NEGR1: variants seen among roughly 807,000 people sequenced by gnomAD.
NEGR1 encodes neuronal growth regulator 1.
Under a neutral mutation model 40.9 loss-of-function variants are expected in NEGR1, and 10 were observed. That is an observed-to-expected ratio of 0.24 (90% CI 0.15 to 0.42). NEGR1 has a LOEUF of 0.42. Among genes scored for constraint, NEGR1 ranks in the 10% least tolerant of loss-of-function variants. The probability of loss-of-function intolerance (pLI) is 1.00; values close to 1 mark genes in which losing one functional copy is unlikely to be tolerated. For synonymous variants in NEGR1, 185 were observed against 166.8 expected, an observed-to-expected ratio of 1.11 and a Z score of -0.84; for missense variants, 352 against 438.9, an observed-to-expected ratio of 0.80 and a Z score of 1.77.
intron 2 of NEGR1, among the ~76,000 whole-genome samples, chr1:71,924,818 T>A (rs1645757195): frequency 6.6e-6 from 1 of 152,142 alleles, no homozygotes. Flanking sequence ...AATATGGAAA[T>A]TATAGAGAAT....
chr1:71,762,931 A>G (rs1655995175), intron 3 of NEGR1, among the ~76,000 whole-genome samples: 1 of 152,160 alleles, frequency 6.6e-6, no homozygotes, highest in Non-Finnish European at 1.5e-5. Context: ...GACCTGCCAT[A>G]AAAGAATTGC....
At chr1:71,553,766 T>C (rs973139930) in intron 6 of NEGR1, among the ~76,000 whole-genome samples, 3 of 151,574 alleles carry the variant, frequency 2.0e-5, no homozygotes, top group African/African-American at 4.8e-5. Flanking sequence ...GTTTGATAGG[T>C]GATGGCTTTT....
At chr1:72,137,187 G>T (rs1650499859) in intron 1 of NEGR1, among the ~76,000 whole-genome samples, 1 of 152,102 alleles carries the variant, frequency 6.6e-6, no homozygotes, top group Non-Finnish European at 1.5e-5. Context: ...AGACAGTGTG[G>T]CTACTCCCCA....
At chr1:71,961,377 A>T (rs1294506600) in intron 1 of NEGR1, among the ~76,000 whole-genome samples, 1 of 152,178 alleles carries the variant, frequency 6.6e-6, no homozygotes, top group Non-Finnish European at 1.5e-5. Context: ...TATAGATGAC[A>T]CTAATTTTGT....
intron 1 of NEGR1, among the ~76,000 whole-genome samples, chr1:71,961,287 G>C (rs1246397865): frequency 3.3e-5 from 5 of 152,112 alleles, no homozygotes; most frequent in Admixed American, 1.3e-4. Flanking sequence ...TACGATGCTG[G>C]AATCAACTCT....
At chr1:71,866,556 T>C (rs1284054867) in intron 2 of NEGR1, among the ~76,000 whole-genome samples, 2 of 152,220 alleles carry the variant, frequency 1.3e-5, no homozygotes, top group African/African-American at 2.4e-5. Context: ...TTTCACATTT[T>C]AATTAAAATG....
At chr1:71,771,839 A>T (rs1300201543) in intron 3 of NEGR1, among the ~76,000 whole-genome samples, 1 of 152,072 alleles carries the variant, frequency 6.6e-6, no homozygotes, top group Non-Finnish European at 1.5e-5. Context: ...GGACTGCTGA[A>T]TCTAGAAAAA....
chr1:71,527,445 ATC>A (rs1352106180), intron 6 of NEGR1, among the ~76,000 whole-genome samples: 12 of 139,540 alleles, frequency 8.6e-5, no homozygotes, highest in African/African-American at 3.4e-4. Context: ...CCATCCATCC[ATC>A]CATGGGTAAT....
At chr1:71,439,835 A>G (rs539848920) in intron 6 of NEGR1, 17 of 152,064 alleles carry the variant, frequency 1.1e-4, no homozygotes, top group African/African-American at 4.1e-4. Flanking sequence ...GTATATGCCT[A>G]TATCTGTAGA....
At chr1:71,591,677 A>G (rs534870378) in intron 6 of NEGR1, among the ~76,000 whole-genome samples, 35 of 152,280 alleles carry the variant, frequency 2.3e-4, no homozygotes, top group Non-Finnish European at 3.7e-4. Flanking sequence ...TAACTATTGC[A>G]TGGCAAGCAA....
intron 6 of NEGR1, among the ~76,000 whole-genome samples, chr1:71,482,992 T>G (rs187827692): frequency 2.4e-4 from 37 of 151,796 alleles, no homozygotes; most frequent in Admixed American, 4.0e-4. Context: ...GGATGGGAAA[T>G]TAAGAGTGGT....
At chr1:71,460,025 T>C (rs2101342151) in intron 6 of NEGR1, among the ~76,000 whole-genome samples, 1 of 152,328 alleles carries the variant, frequency 6.6e-6, no homozygotes. Context: ...TCCATATCTT[T>C]TAGTGCTATA....
At chr1:71,489,935 G>A (rs571646917) in intron 6 of NEGR1, 15 of 151,814 alleles carry the variant, frequency 9.9e-5, no homozygotes, top group African/African-American at 3.4e-4. Context: ...TCCTTCCCCC[G>A]CTCACCCCAA....
chr1:71,461,665 A>G (rs1423665551), intron 6 of NEGR1: 2 of 152,204 alleles, frequency 1.3e-5, no homozygotes, highest in Admixed American at 6.5e-5. Flanking sequence ...TGTGCCCAAT[A>G]TCAAATATCC....
rs533176799 is a variant in NEGR1 at position 71,665,500 on chromosome 1, A to G, written c.667+32508T>C. On this transcript the variant is annotated intron_variant, in intron 4 of 6. Coordinates refer to ENST00000357731, the MANE Select transcript of NEGR1 (RefSeq NM_173808.3). Reference sequence around the variant, plus strand: ...GGAGGATAGATGCAAGGACTACAACATGGTTTCCCCACTTGAGAAACTCAT... The same window carrying G: ...GGAGGATAGATGCAAGGACTACAACGTGGTTTCCCCACTTGAGAAACTCAT... Among the ~76,000 whole-genome samples, 4 of 152,340 alleles carry G rather than the reference A, an allele frequency of 2.6e-5. No homozygotes were observed. The South Asian group carries it at 8.3e-4, about 32-fold the overall frequency.
chr1:71,886,239 G>T (rs895794265), intron 2 of NEGR1, among the ~76,000 whole-genome samples: 8 of 152,112 alleles, frequency 5.3e-5, no homozygotes, highest in Non-Finnish European at 7.4e-5. Context: ...TCTCCCCTGA[G>T]AATTATGATT....
At chr1:72,102,415 G>A (rs1215533768) in intron 1 of NEGR1, among the ~76,000 whole-genome samples, 1 of 151,768 alleles carries the variant, frequency 6.6e-6, no homozygotes, top group Non-Finnish European at 1.5e-5. Flanking sequence ...CTGTAGTTTT[G>A]CTATTTTACA....
At chr1:71,617,508 C>G (rs1377761933) in intron 4 of NEGR1, among the ~76,000 whole-genome samples, 1 of 152,178 alleles carries the variant, frequency 6.6e-6, no homozygotes, top group Non-Finnish European at 1.5e-5. Flanking sequence ...CTATTCAAGC[C>G]TCTGAATTCG....
At chr1:71,552,709 T>C (rs1030565550) in intron 6 of NEGR1, among the ~76,000 whole-genome samples, 13 of 151,146 alleles carry the variant, frequency 8.6e-5, no homozygotes, top group Non-Finnish European at 1.5e-4. Flanking sequence ...AGAATTGAGC[T>C]CAGTTCCATA....
Sources: gnomAD v4.1 joint callset for allele counts (sites outside exome capture counted in the v4.1 genomes callset) on GRCh38, gnomAD v4.1.1 for gene constraint, MANE v1.5 for transcripts, NCBI Gene and HGNC (gene_info 2026-07-23, HGNC 2026-07-21) for gene names.